The following SV2B variants were observed in gnomAD, a reference collection of about 807,000 sequenced individuals.
SV2B encodes the protein solute carrier family 22 member B2.
A neutral mutation model predicts 73.9 loss-of-function variants in SV2B; 41 were observed. The ratio of observed to expected loss-of-function variants is 0.56; its 90% CI spans 0.43 to 0.72. SV2B has a LOEUF of 0.72. SV2B is among the 30% of genes least tolerant of loss of function. SV2B has a pLI of 0.00. For missense variants in SV2B, 764 were observed against 857.8 expected (o/e 0.89, Z 1.37); for synonymous variants, 314 against 314.2 (o/e 1.00, Z 0.01).
chr15:91,099,653 C>G (rs558932259), upstream of SV2B, among the ~76,000 whole-genome samples: 17 of 152,300 alleles, frequency 1.1e-4, no homozygotes, highest in African/African-American at 4.1e-4. Flanking sequence ...TTGAATGCAC[C>G]AAGCCTTGCA....
chr15:91,226,189 T>G lies in SV2B; in HGVS notation c.-75T>G. Reference sequence around the variant, plus strand: ...GAACTACATAATGAATGATGGTTATTGAAATAGCCCAAACCTCTACCACAG... The same window carrying G: ...GAACTACATAATGAATGATGGTTATGGAAATAGCCCAAACCTCTACCACAG... On this transcript the variant is annotated 5_prime_UTR_variant, in exon 2 of 13. The change creates a new upstream start codon in the 5' untranslated region. Coordinates refer to ENST00000394232, the MANE Select transcript of SV2B (RefSeq NM_001323032.3). The G allele has an allele frequency of 7.0e-7, 1 of 1,421,750 alleles. No individual in the cohort carries two copies. The highest frequency in any genetic ancestry group is 9.7e-7 in the Non-Finnish European group (1 of 1,030,148). The allele number at this position is 1,421,750 out of a possible 1,614,324, so 88.1% of individuals were successfully genotyped here.
At chr15:91,278,485 G>A (rs1596772232) in intron 9 of SV2B, among the ~76,000 whole-genome samples, 2 of 151,740 alleles carry the variant, frequency 1.3e-5, no homozygotes, top group South Asian at 4.2e-4. Context: ...AGACCATCCT[G>A]GCTAACAAGG....
chr15:91,235,971 A>G (rs181292940), intron 2 of SV2B, among the ~76,000 whole-genome samples: 1 of 152,318 alleles, frequency 6.6e-6, no homozygotes, highest in Non-Finnish European at 1.5e-5. Flanking sequence ...GGAAAATTAA[A>G]TGCAATTACC....
Position 91,267,328 on chromosome 15 carries a change from G to A in SV2B, c.1120-227G>A, listed in dbSNP as rs1013529352. Among the ~76,000 whole-genome samples the A allele has an allele frequency of 3.9e-5, 6 of 152,156 alleles. No individual in the cohort carries two copies. The highest frequency in any genetic ancestry group is 2.1e-4 in the South Asian group (1 of 4,816). The stretch of plus-strand genomic sequence containing the variant: ...CACATTCATGGAATGCTGTGCTCCC[G>A]GGGAAAATCCTATTGGACTGTTAGA... On this transcript the variant is annotated intron_variant, in intron 7 of 12. Coordinates refer to ENST00000394232, the MANE Select transcript of SV2B (RefSeq NM_001323032.3). The surrounding 1 kb of genome is among the most constrained non-coding windows in gnomAD (Gnocchi z 4.3).
intron 1 of SV2B, among the ~76,000 whole-genome samples, chr15:91,114,899 C>T (rs553940934): frequency 6.6e-6 from 1 of 152,306 alleles, no homozygotes; most frequent in African/African-American, 2.4e-5. Flanking sequence ...TTTGGAAACA[C>T]GTCCCAGGGT....
At position 91,220,677 on chromosome 15, in the gene SV2B, G is replaced by A. The variant is rs2046183244; in HGVS notation, c.-391-5196G>A. ...GCTTAAGAGGTTAGCAGCATGGGAG[G>A]TAGTTGTTTTTAGGAGTAACTCAAT... On this transcript the variant is annotated intron_variant, in intron 1 of 12. Transcript: ENST00000394232. This position sits in a 1 kb window ranked among gnomAD's most constrained non-coding sequence, Gnocchi z 4.1. Among the ~76,000 whole-genome samples the A allele has an allele frequency of 6.6e-6, 1 of 152,168 alleles. No homozygotes were observed. Among genetic ancestry groups the A allele is most frequent in the South Asian group, 2.1e-4 (1 of 4,822 alleles).
At position 91,193,087 on chromosome 15, in the gene SV2B, T is replaced by C. The variant is rs2045104086; in HGVS notation, c.-391-32786T>C. Among the ~76,000 whole-genome samples, 8 of 152,242 alleles carry C rather than the reference T, an allele frequency of 5.3e-5. No homozygotes were observed. The South Asian group carries it at 1.7e-3, about 32-fold the overall frequency. On this transcript the variant is annotated intron_variant, in intron 1 of 12. Transcript: ENST00000394232. ...TCCCTTCGACTCAGTTCAGCATTTG[T>C]CTCTTGGGCATCTATCTTTGTTTGC...
Position 91,252,625 on chromosome 15 carries a change from C to G in SV2B, c.784+105C>G. The G allele has an allele frequency of 8.3e-7, 1 of 1,200,406 alleles. No individual in the cohort carries two copies. The highest frequency in any genetic ancestry group is 1.1e-6 in the Non-Finnish European group (1 of 926,356). 74.4% of individuals were successfully genotyped at this position (1,200,406 alleles called of 1,614,324 possible). A position where few individuals can be genotyped will look rare whatever the true frequency, so the allele number is the denominator to read the frequency against. ...TTATTCCATGTACTCACGCACAGTTCCCGTACGTGACCTTGATCTTTCTTA... is the reference window on the plus strand; with the variant it reads ...TTATTCCATGTACTCACGCACAGTTGCCGTACGTGACCTTGATCTTTCTTA... On this transcript the variant is annotated intron_variant, in intron 4 of 12. Transcript: ENST00000394232. The surrounding 1 kb of genome is among the most constrained non-coding windows in gnomAD (Gnocchi z 4.6).
rs75023385 is a variant in SV2B, at chr15:91,254,843, C to G, written c.784+2323C>G. Among the ~76,000 whole-genome samples, 924 of 152,294 alleles carry G rather than the reference C, an allele frequency of 6.1e-3. 9 individuals are homozygous for G. The highest frequency in any genetic ancestry group is 0.02 in the African/African-American group (821 of 41,562). ...TTCCCTCCTGGAAGCATTAGCAATA[C>G]GAGGCTTTCTGTTTGCAGACTGCTT... On this transcript the variant is annotated intron_variant, in intron 4 of 12. Transcript: ENST00000394232.
At chr15:91,181,908 T>C (rs1205684708) in intron 1 of SV2B, among the ~76,000 whole-genome samples, 1 of 152,070 alleles carries the variant, frequency 6.6e-6, no homozygotes, top group East Asian at 1.9e-4. Flanking sequence ...AGTATATATC[T>C]AGATTAGATT....
rs147214706 is a variant in SV2B, at chr15:91,131,386, TG to T, written c.-392+31031del. Among the ~76,000 whole-genome samples, 1,488 of 150,016 alleles carry T rather than the reference TG, an allele frequency of 9.9e-3. 29 individuals carry two copies. The highest frequency in any genetic ancestry group is 0.033 in the African/African-American group (1,367 of 40,834). ...GGTCAGTCGATTTGAACATCTGTAT[TG>T]GGGGGGGTTGGGCAGATAAGCACAC... On this transcript the variant is annotated intron_variant, in intron 1 of 12. Coordinates refer to ENST00000394232, the MANE Select transcript of SV2B (RefSeq NM_001323032.3).
chr15:91,233,808 C>G (rs1454042725), intron 2 of SV2B, among the ~76,000 whole-genome samples: 1 of 152,178 alleles, frequency 6.6e-6, no homozygotes, highest in Non-Finnish European at 1.5e-5. Flanking sequence ...CTCCACCCCT[C>G]TTTGCTTCTA....
chr15:91,113,586 C>T (rs891164862), intron 1 of SV2B, among the ~76,000 whole-genome samples: 2 of 152,130 alleles, frequency 1.3e-5, no homozygotes, highest in Non-Finnish European at 2.9e-5. Context: ...GAGAAAACGA[C>T]TGGGGTAAAC....
At chr15:91,256,674 G>T (rs2047704260) in intron 4 of SV2B, among the ~76,000 whole-genome samples, 1 of 152,184 alleles carries the variant, frequency 6.6e-6, no homozygotes, top group Admixed American at 6.5e-5. Flanking sequence ...AGACCAAGCT[G>T]TGCAAAAAGA....
intron 11 of SV2B, among the ~76,000 whole-genome samples, chr15:91,286,567 T>A (rs2048867764): frequency 1.3e-5 from 2 of 152,206 alleles, no homozygotes; most frequent in African/African-American, 4.8e-5. Flanking sequence ...AGAGGCAGAC[T>A]TCGACTAGAA....
intron 1 of SV2B, among the ~76,000 whole-genome samples, chr15:91,218,546 C>T (rs1164217939): frequency 6.6e-6 from 1 of 152,062 alleles, no homozygotes; most frequent in Admixed American, 6.6e-5. Context: ...CTCATTAGTA[C>T]CCGTCTGAGT....
chr15:91,162,226 A>G (rs918124435), intron 1 of SV2B, among the ~76,000 whole-genome samples: 2 of 152,304 alleles, frequency 1.3e-5, no homozygotes, highest in Admixed American at 1.3e-4. Context: ...CTTTAGTAAA[A>G]TAATCCCTCT....
chr15:91,178,423 G>A (rs1005298911), intron 1 of SV2B, among the ~76,000 whole-genome samples: 2 of 151,578 alleles, frequency 1.3e-5, no homozygotes, highest in Admixed American at 6.6e-5. Context: ...AGTTAGGGAG[G>A]ATTCCCTCTT....
chr15:91,178,631 G>A (rs573758731), intron 1 of SV2B, among the ~76,000 whole-genome samples: 6 of 152,046 alleles, frequency 3.9e-5, no homozygotes, highest in Admixed American at 2.6e-4. Flanking sequence ...GAGAGTGTGT[G>A]TGTCGAGAAA....
Sources: gnomAD v4.1 joint callset for allele counts (sites outside exome capture counted in the v4.1 genomes callset) on GRCh38, gnomAD v4.1.1 for gene constraint, Gnocchi (gnomAD v3.1) non-coding constraint, MANE v1.5 for transcripts, NCBI Gene and HGNC (gene_info 2026-07-23, HGNC 2026-07-21) for gene names.